Variants in NRXN3 observed in about 807,000 individuals in gnomAD.
NRXN3 encodes the protein neurexin III.
Under a neutral mutation model 137.6 loss-of-function variants are expected in NRXN3, and 32 were observed. The observed-to-expected ratio is 0.23, with a 90% CI of 0.18 to 0.31. The LOEUF (loss-of-function observed/expected upper bound fraction) is 0.31. NRXN3 is among the 10% of genes least tolerant of loss of function. The pLI, the probability that NRXN3 is intolerant of heterozygous loss-of-function variation, is 1.00. For synonymous variants in NRXN3, 798 were observed against 784.5 expected, an observed-to-expected ratio of 1.02 and a Z score of -0.29; for missense variants, 1,574 against 2,062.5, an observed-to-expected ratio of 0.76 and a Z score of 4.59.
At chr14:79,037,284 T>A (rs937668713) in intron 15 of NRXN3, among the ~76,000 whole-genome samples, 2 of 152,102 alleles carry the variant, frequency 1.3e-5, no homozygotes, top group Non-Finnish European at 2.9e-5. Context: ...TGTGCACACA[T>A]GCTCAAATAC....
intron 14 of NRXN3, among the ~76,000 whole-genome samples, chr14:78,986,453 A>G (rs2099505173): frequency 6.6e-6 from 1 of 152,172 alleles, no homozygotes; most frequent in Admixed American, 6.5e-5. Context: ...AGGCGGACCG[A>G]AAGAGTTTAA....
chr14:79,020,048 C>T (rs1016788920), intron 15 of NRXN3, among the ~76,000 whole-genome samples: 5 of 151,882 alleles, frequency 3.3e-5, no homozygotes, highest in Admixed American at 2.0e-4. Context: ...GAAGTGATAC[C>T]ACCACATGCA....
At chr14:79,774,885 T>C (rs573943893) in intron 19 of NRXN3, among the ~76,000 whole-genome samples, 99 of 152,234 alleles carry the variant, frequency 6.5e-4, no homozygotes, top group Middle Eastern at 3.4e-3. Flanking sequence ...AAGGGACAGA[T>C]TTATGTCATA....
intron 4 of NRXN3, among the ~76,000 whole-genome samples, chr14:78,488,765 T>C (rs1599353082): frequency 8.3e-6 from 1 of 119,904 alleles, no homozygotes; most frequent in South Asian, 2.6e-4. Context: ...AGGAGGAGGA[T>C]GAAGAAGAAG....
chr14:79,015,224 G>C lies in NRXN3; in HGVS notation c.3262+27083G>C, dbSNP rs1030001401. ...AGACACCATTTTTGCAGTGTTTGGT[G>C]GGGGGTTTGTTTACCTCTACAATTG... On this transcript the variant is annotated intron_variant, in intron 15 of 20. Coordinates refer to ENST00000335750, the MANE Select transcript of NRXN3 (RefSeq NM_001330195.2). Among the ~76,000 whole-genome samples the C allele has an allele frequency of 4.5e-5, 5 of 112,232 alleles. No homozygotes were observed. In the South Asian group the frequency reaches 1.3e-3, roughly 29 times the overall value. 73.6% of individuals were successfully genotyped at this position (112,232 alleles called of 152,430 possible).
chr14:78,583,830 G>GT (rs1437107273), intron 4 of NRXN3, among the ~76,000 whole-genome samples: 1 of 152,134 alleles, frequency 6.6e-6, no homozygotes, highest in Non-Finnish European at 1.5e-5. Flanking sequence ...TGTGCTGTGG[G>GT]TTTTAGCCTC....
intron 6 of NRXN3, among the ~76,000 whole-genome samples, chr14:78,692,905 A>C (rs1311614214): frequency 6.7e-6 from 1 of 149,914 alleles, no homozygotes; most frequent in African/African-American, 2.5e-5. Flanking sequence ...ACATAGTGAA[A>C]TCCCGTCTCT....
chr14:78,491,403 T>C (rs1157198540), intron 4 of NRXN3, among the ~76,000 whole-genome samples: 1 of 152,116 alleles, frequency 6.6e-6, no homozygotes, highest in Non-Finnish European at 1.5e-5. Flanking sequence ...GCTCTTTGTC[T>C]TCTCTGAATG....
chr14:78,400,570 T>TG (rs1332168568), intron 4 of NRXN3, among the ~76,000 whole-genome samples: 1 of 152,164 alleles, frequency 6.6e-6, no homozygotes, highest in Non-Finnish European at 1.5e-5. Flanking sequence ...TGGATTCCAG[T>TG]GAGCTAGTGA....
At chr14:79,549,753 A>G (rs2097355735) in intron 16 of NRXN3, among the ~76,000 whole-genome samples, 1 of 152,074 alleles carries the variant, frequency 6.6e-6, no homozygotes, top group Non-Finnish European at 1.5e-5. Context: ...ATTACTAACA[A>G]AAGTGGTATG....
At chr14:79,131,279 C>G (rs2057428372) in intron 15 of NRXN3, among the ~76,000 whole-genome samples, 1 of 152,104 alleles carries the variant, frequency 6.6e-6, no homozygotes, top group Admixed American at 6.5e-5. Flanking sequence ...TCCAGTTTTT[C>G]TGCTCTGTTT....
chr14:79,856,164 T>A (rs1210103290), intron 20 of NRXN3, among the ~76,000 whole-genome samples: 2 of 152,112 alleles, frequency 1.3e-5, no homozygotes, highest in Non-Finnish European at 2.9e-5. Context: ...ACCTAGAAAT[T>A]CTCATCCTGT....
intron 4 of NRXN3, among the ~76,000 whole-genome samples, chr14:78,436,993 G>T (rs2094090379): frequency 1.3e-5 from 2 of 152,178 alleles, no homozygotes; most frequent in South Asian, 4.1e-4. Context: ...TCTGCTATTT[G>T]TTAGTTCTGC....
chr14:78,599,127 C>T (rs2097182294), intron 4 of NRXN3, among the ~76,000 whole-genome samples: 1 of 152,222 alleles, frequency 6.6e-6, no homozygotes, highest in South Asian at 2.1e-4. Flanking sequence ...TTTACTATAT[C>T]AGCTTCTTTT....
At chr14:79,605,006 T>G (rs2097986168) in intron 16 of NRXN3, among the ~76,000 whole-genome samples, 1 of 152,182 alleles carries the variant, frequency 6.6e-6, no homozygotes, top group Non-Finnish European at 1.5e-5. Flanking sequence ...CACTCTAGCC[T>G]GGGCGACAGA....
intron 10 of NRXN3, among the ~76,000 whole-genome samples, chr14:78,876,803 A>G (rs1318187444): frequency 6.6e-6 from 1 of 152,192 alleles, no homozygotes; most frequent in East Asian, 1.9e-4. Context: ...AGGATTAAAT[A>G]AGAGCATGCA....
chr14:79,012,776 C>A (rs116070740), intron 15 of NRXN3, among the ~76,000 whole-genome samples: 1 of 152,170 alleles, frequency 6.6e-6, no homozygotes, highest in South Asian at 2.1e-4. Context: ...GCTTTCCATG[C>A]GACCGAGGAA....
At chr14:78,513,174 T>C (rs1185432135) in intron 4 of NRXN3, among the ~76,000 whole-genome samples, 1 of 152,224 alleles carries the variant, frequency 6.6e-6, no homozygotes, top group African/African-American at 2.4e-5. Flanking sequence ...CTTCCAATTC[T>C]ACCTCTGCCA....
chr14:78,931,875 G>T (rs577393001), intron 10 of NRXN3, among the ~76,000 whole-genome samples: 1 of 152,074 alleles, frequency 6.6e-6, no homozygotes, highest in Non-Finnish European at 1.5e-5. Context: ...GGCTGGGCGC[G>T]GTGGCTCACA....
Sources: gnomAD v4.1 joint callset for allele counts (sites outside exome capture counted in the v4.1 genomes callset) on GRCh38, gnomAD v4.1.1 for gene constraint, MANE v1.5 for transcripts, NCBI Gene and HGNC (gene_info 2026-07-23, HGNC 2026-07-21) for gene names.